NPY4R: variants seen among roughly 807,000 people sequenced by gnomAD.
The protein encoded by NPY4R is neuropeptide Y receptor type 4.
In NPY4R, 2 loss-of-function variants were observed where a neutral mutation model predicts 11.9. The ratio of observed to expected loss-of-function variants is 0.17; its 90% confidence interval spans 0.07 to 0.53. The LOEUF is 0.53. Among genes scored for constraint, NPY4R ranks in the 20% least tolerant of loss-of-function variants. The probability of loss-of-function intolerance (pLI) is 0.94; values close to 1 mark genes in which losing one functional copy is unlikely to be tolerated. For missense variants in NPY4R, 26 were observed against 280.2 expected (o/e 0.09, Z 6.48); for synonymous variants, 8 against 121.7 (o/e 0.07, Z 6.15).
chr10:46,466,393 T>G (rs1241518505), upstream of NPY4R, among the ~76,000 whole-genome samples: 3 of 106,954 alleles, frequency 2.8e-5, no homozygotes, highest in African/African-American at 7.3e-5. Flanking sequence ...TGTCTCTCTC[T>G]CTCTCTGCCT....
At chr10:46,466,251 CTTT>C (rs1435501397), upstream of NPY4R, among the ~76,000 whole-genome samples, 208 of 68,106 alleles carry the variant, frequency 3.1e-3, 2 homozygotes, top group Admixed American at 0.013. Flanking sequence ...TTCTTTCTTT[CTTT>C]CTTTCTTTCC....
chr10:46,466,207 CTTTCTTTCTTTCTTTCTT>C (rs1841023933), upstream of NPY4R, among the ~76,000 whole-genome samples: 1 of 53,768 alleles, frequency 1.9e-5, no homozygotes, highest in East Asian at 2.5e-4. Context: ...TTCTTTCTTT[CTTTCTTTCTTTCTTTCTT>C]TCTTTCTTTC....
At chr10:46,466,131 C>G (rs1230817440), upstream of NPY4R, among the ~76,000 whole-genome samples, 3 of 148,958 alleles carry the variant, frequency 2.0e-5, no homozygotes, top group Non-Finnish European at 4.5e-5. Context: ...GTGTCTCTCA[C>G]GCCCACCTCA....
At chr10:46,466,278 TTCTTTC>T (rs1841047397), upstream of NPY4R, among the ~76,000 whole-genome samples, 1 of 73,230 alleles carries the variant, frequency 1.4e-5, no homozygotes, top group African/African-American at 8.1e-5. Context: ...CTTTCTTTCT[TTCTTTC>T]TCTCTCTCTC....
At position 46,462,410 on chromosome 10, in the gene NPY4R, T is replaced by C. The variant is rs782184539; in HGVS notation, c.226A>G (p.Thr76Ala). ...GCCAGGTTGGCGATAAGCAGGTTGG[T>C]CACGTTGGCTTTCTCCTTCTGCCTC... ...TVRQKEKANV[T>A]NLLIANLAFS... The change falls in exon 3 of 3, where the codon ACC (threonine) becomes GCC (alanine). Residue 76 changes from threonine (T) to alanine (A), a missense_variant. Transcript: ENST00000374312. 2 of 1,614,030 alleles carry C rather than the reference T, an allele frequency of 1.2e-6. No homozygotes were observed. Among genetic ancestry groups the C allele is most frequent in the African/African-American group, 2.7e-5 (2 of 74,950 alleles).
At chr10:46,466,526 AG>A (rs1841058696), upstream of NPY4R, among the ~76,000 whole-genome samples, 1 of 60,210 alleles carries the variant, frequency 1.7e-5, no homozygotes, top group Admixed American at 2.1e-4. Flanking sequence ...TGGACAAGAC[AG>A]GCTCCCTGTC....
upstream of NPY4R, among the ~76,000 whole-genome samples, chr10:46,466,197 T>TTCTC (rs1565142244): frequency 4.6e-5 from 1 of 21,960 alleles, no homozygotes; most frequent in African/African-American, 2.0e-4. Context: ...CTTTCTTTCT[T>TTCTC]TCTTTCTTTC....
upstream of NPY4R, among the ~76,000 whole-genome samples, chr10:46,466,403 TCA>T (rs1841055610): frequency 1.0e-5 from 1 of 99,236 alleles, no homozygotes; most frequent in African/African-American, 3.9e-5. Context: ...TCTCTCTGCC[TCA>T]GTTTCCTCAT....
chr10:46,466,225 TTCTTTCTTTCTTTC>T (rs1841026513), upstream of NPY4R, among the ~76,000 whole-genome samples: 2 of 64,988 alleles, frequency 3.1e-5, no homozygotes, highest in East Asian at 4.7e-4. Flanking sequence ...CTTTCTTTCT[TTCTTTCTTTCTTTC>T]TTTCTTTCTT....
At chr10:46,468,230 A>G (rs543756045), upstream of NPY4R, among the ~76,000 whole-genome samples, 3 of 128,432 alleles carry the variant, frequency 2.3e-5, no homozygotes, top group African/African-American at 6.6e-5. Context: ...CAGACATTTC[A>G]GGTTAAACCA....
chr10:46,466,262 TC>T (rs370298474), upstream of NPY4R, among the ~76,000 whole-genome samples: 27,698 of 51,674 alleles, frequency 0.54, 5,207 homozygotes, highest in Non-Finnish European at 0.57. Flanking sequence ...TTTCTTTCTT[TC>T]CTTTCTTTCT....
intron 1 of NPY4R, among the ~76,000 whole-genome samples, chr10:46,464,305 G>A (rs1840946688): frequency 7.0e-6 from 1 of 143,828 alleles, no homozygotes; most frequent in African/African-American, 2.6e-5. Flanking sequence ...GGAGGCGGAG[G>A]TTGCAGTCAG....
upstream of NPY4R, chr10:46,466,000 C>G (rs1258166407): frequency 3.3e-5 from 5 of 153,428 alleles, no homozygotes; most frequent in African/African-American, 1.2e-4. Context: ...CCCAGCCTGC[C>G]CCTTGCGCCC....
chr10:46,464,273 G>A (rs1227665065), intron 1 of NPY4R, among the ~76,000 whole-genome samples: 5 of 150,186 alleles, frequency 3.3e-5, no homozygotes, highest in African/African-American at 4.9e-5. Flanking sequence ...GGAGGGTGAA[G>A]CAGGAGAATC....
chr10:46,466,249 T>TTCTTTC (rs1841035787), upstream of NPY4R, among the ~76,000 whole-genome samples: 2 of 67,778 alleles, frequency 3.0e-5, 1 homozygote, highest in Admixed American at 3.3e-4. Context: ...CTTTCTTTCT[T>TTCTTTC]TCTTTCTTTC....
chr10:46,466,251 CTTTCTTTCTTTCCTTTCTTTCTT>C (rs1841037457), upstream of NPY4R, among the ~76,000 whole-genome samples: 2 of 68,422 alleles, frequency 2.9e-5, no homozygotes, highest in African/African-American at 1.9e-4. Flanking sequence ...TTCTTTCTTT[CTTTCTTTCTTTCCTTTCTTTCTT>C]TCTTTCTTTC....
Position 46,461,877 on chromosome 10 carries a change from G to A in NPY4R, c.759C>T (p.Tyr253=). 3.2e-6 allele frequency: 3 copies of A among 946,160 alleles called. 1 individual carries two copies. The highest frequency in any genetic ancestry group is 1.4e-6 in the Non-Finnish European group (1 of 705,034). 58.6% of individuals were successfully genotyped at this position (946,160 alleles called of 1,614,324 possible). A position where few individuals can be genotyped will look rare whatever the true frequency, so the allele number is the denominator to read the frequency against. ...RQGRVFHKGT[Y]SLRAGHMKQV... ...GCTTCATGTGCCCAGCTCGCAAGCT[G>A]TAGGTGCCCTTGTGAAACACGCGCC... The change falls in exon 3 of 3, where the codon TAC becomes TAT. Residue 253 remains tyrosine, a synonymous_variant. Transcript: ENST00000374312.
At chr10:46,462,873 G>T in intron 2 of NPY4R, among the ~76,000 whole-genome samples, 179 bp from the exon 3 acceptor site, 1 of 106,494 alleles carries the variant, frequency 9.4e-6, no homozygotes, top group Non-Finnish European at 1.9e-5. Flanking sequence ...CTTGTTAGAA[G>T]CACTTGTTGC....
At chr10:46,464,280 A>G (rs1348576837) in intron 1 of NPY4R, among the ~76,000 whole-genome samples, 33 of 149,636 alleles carry the variant, frequency 2.2e-4, no homozygotes. Flanking sequence ...GAAGCAGGAG[A>G]ATCACTTGAA....
Sources: allele counts gnomAD v4.1 joint callset (sites outside exome capture counted in the v4.1 genomes callset), GRCh38; gene constraint gnomAD v4.1.1; transcripts MANE v1.5; gene names NCBI Gene and HGNC (gene_info 2026-07-23, HGNC 2026-07-21).